ZMAT2: variants seen among roughly 807,000 people sequenced by gnomAD.
The protein encoded by ZMAT2 is zinc finger matrin-type protein 2.
Under a neutral mutation model 27.5 loss-of-function variants are expected in ZMAT2, and 5 were observed. That is an observed-to-expected ratio of 0.18 (90% CI 0.10 to 0.38). ZMAT2 has a LOEUF of 0.38. Among genes scored for constraint, ZMAT2 ranks in the 10% least tolerant of loss-of-function variants. The probability of loss-of-function intolerance (pLI) is 1.00; values close to 1 mark genes in which losing one functional copy is unlikely to be tolerated. For missense variants in ZMAT2, 124 were observed against 243.9 expected (o/e 0.51, Z 3.27); for synonymous variants, 76 against 78.6 (o/e 0.97, Z 0.17).
intron 3 of ZMAT2, 42 bp downstream of exon 3, chr5:140,702,171 C>T: frequency 6.2e-7 from 1 of 1,603,056 alleles, no homozygotes; most frequent in Non-Finnish European, 8.5e-7. Flanking sequence ...AAGAATGCAT[C>T]TAATAAGCCA....
At chr5:140,704,012 G>T in intron 4 of ZMAT2, 21 bp downstream of exon 4, 1 of 1,612,156 alleles carries the variant, frequency 6.2e-7, no homozygotes, top group Non-Finnish European at 8.5e-7. Context: ...GAGGTAGCTT[G>T]TGACTAGGGC....
intron 3 of ZMAT2, among the ~76,000 whole-genome samples, chr5:140,703,480 C>T (rs186955873): frequency 2.0e-5 from 3 of 152,104 alleles, no homozygotes; most frequent in East Asian, 1.9e-4. Context: ...GTGATCCGCC[C>T]GCCTCGGCCT....
At chr5:140,700,998 T>C in intron 2 of ZMAT2, 86 bp downstream of exon 2, 1 of 1,331,756 alleles carries the variant, frequency 7.5e-7, no homozygotes, top group Non-Finnish European at 1.1e-6. Context: ...TGCGCTGCCT[T>C]CCCACGCGGT....
At chr5:140,703,071 C>A (rs1378340595) in intron 3 of ZMAT2, among the ~76,000 whole-genome samples, 1 of 152,150 alleles carries the variant, frequency 6.6e-6, no homozygotes, top group Non-Finnish European at 1.5e-5. Context: ...GGTTCTGGCT[C>A]AGGGTCTTCA....
At chr5:140,700,732 A>G in intron 1 of ZMAT2, 87 bp from the exon 2 acceptor site, 1 of 1,461,914 alleles carries the variant, frequency 6.8e-7, no homozygotes. Context: ...AACGTCCTGT[A>G]GACACCTGGA....
intron 4 of ZMAT2, 33 bp downstream of exon 4, chr5:140,704,024 G>A: frequency 6.2e-7 from 1 of 1,604,698 alleles, no homozygotes; most frequent in Non-Finnish European, 8.5e-7. Flanking sequence ...GACTAGGGCT[G>A]GAATTGGGTT....
At chr5:140,705,253 G>A (rs1432120955) in intron 5 of ZMAT2, among the ~76,000 whole-genome samples, 2 of 151,902 alleles carry the variant, frequency 1.3e-5, no homozygotes, top group Non-Finnish European at 2.9e-5. Context: ...ACAAAATTGA[G>A]AGGGAGTTAT....
At chr5:140,704,852 A>G (rs1760030067) in intron 5 of ZMAT2, among the ~76,000 whole-genome samples, 1 of 150,114 alleles carries the variant, frequency 6.7e-6, no homozygotes, top group South Asian at 2.1e-4. Context: ...ATATTTCTCA[A>G]CTTCTGATGG....
chr5:140,702,365 G>A (rs1473356315), intron 3 of ZMAT2, among the ~76,000 whole-genome samples: 6 of 152,282 alleles, frequency 3.9e-5, no homozygotes, highest in Non-Finnish European at 7.3e-5. Flanking sequence ...GCTGGGCACA[G>A]TGGCTCACGC....
Position 140,701,805 on chromosome 5 carries a change from A to G in ZMAT2, c.113-201A>G, listed in dbSNP as rs57517305. 4.2e-3 allele frequency among the ~76,000 whole-genome samples: 641 copies of G among 152,332 alleles called. 9 individuals carry two copies. The highest frequency in any genetic ancestry group is 0.015 in the African/African-American group (609 of 41,572). ...TAGATTTGCTGGCTTTAAAGTGGAG[A>G]AAAGCTGTAGAGTTGAGGATTGCTT... On this transcript the variant is annotated intron_variant, in intron 2 of 5. Transcript: ENST00000274712.
At chr5:140,703,141 G>A (rs1759994608) in intron 3 of ZMAT2, among the ~76,000 whole-genome samples, 1 of 152,110 alleles carries the variant, frequency 6.6e-6, no homozygotes, top group Admixed American at 6.6e-5. Context: ...CTTAAGTGGG[G>A]CTGGAAGATC....
intron 5 of ZMAT2, among the ~76,000 whole-genome samples, chr5:140,704,981 C>T (rs1760032219): frequency 6.6e-6 from 1 of 152,036 alleles, no homozygotes; most frequent in African/African-American, 2.4e-5. Flanking sequence ...ACACATTAGC[C>T]TACAATTGAC....
At chr5:140,704,014 G>A in intron 4 of ZMAT2, 23 bp downstream of exon 4, 2 of 1,611,274 alleles carry the variant, frequency 1.2e-6, no homozygotes, top group Middle Eastern at 1.7e-4. Context: ...GGTAGCTTGT[G>A]ACTAGGGCTG....
rs902147691 is a variant in ZMAT2, at chr5:140,704,502, C to A, written c.387C>A (p.Asn129Lys). The change falls in exon 5 of 6, where the codon AAC (asparagine) becomes AAA (lysine). Residue 129 changes from asparagine (N) to lysine (K), a missense_variant. Coordinates refer to ENST00000274712, the MANE Select transcript of ZMAT2 (RefSeq NM_144723.3). ...LDQVKKRFEVNKKKMEEKQKD... is the reference protein window; with the variant it reads ...LDQVKKRFEVKKKKMEEKQKD... ...AGGTGAAGAAACGTTTTGAGGTCAACAAGAAGAAGATGGAAGAGAAGCAGA... is the reference window on the plus strand; with the variant it reads ...AGGTGAAGAAACGTTTTGAGGTCAAAAAGAAGAAGATGGAAGAGAAGCAGA... 5.0e-6 allele frequency: 8 copies of A among 1,613,824 alleles called. No homozygotes were observed. Among genetic ancestry groups the A allele is most frequent in the East Asian group, 2.2e-5 (1 of 44,876 alleles).
intron 3 of ZMAT2, 110 bp from the exon 4 acceptor site, chr5:140,703,808 A>T: frequency 1.0e-6 from 1 of 976,872 alleles, no homozygotes; most frequent in Non-Finnish European, 1.6e-6. Flanking sequence ...TATAGAAATG[A>T]AGGCTTAACA....
chr5:140,700,492 CTG>C lies in ZMAT2; in HGVS notation c.18+15_18+16del. ...TCGGGCAGCGGGGTAGGTGTTGTGT[CTG>C]AGGAGGAGGTTTTGCGGGGTGGGGA... On this transcript the variant is annotated intron_variant, in intron 1 of 5. Transcript: ENST00000274712. 1 of 1,612,900 alleles carries C rather than the reference CTG, an allele frequency of 6.2e-7. No homozygotes were observed. The highest frequency in any genetic ancestry group is 8.5e-7 in the Non-Finnish European group (1 of 1,179,866).
At chr5:140,700,633 A>C (rs907988603) in intron 1 of ZMAT2, among the ~76,000 whole-genome samples, 155 bp downstream of exon 1, 2 of 152,150 alleles carry the variant, frequency 1.3e-5, no homozygotes, top group African/African-American at 2.4e-5. Context: ...GCCTTGGCAG[A>C]GGGTCAGTAG....
chr5:140,703,175 C>T (rs1759995367), intron 3 of ZMAT2, among the ~76,000 whole-genome samples: 1 of 151,830 alleles, frequency 6.6e-6, no homozygotes, highest in South Asian at 2.1e-4. Context: ...TCTCACATGC[C>T]TGTGGTTTGG....
In ZMAT2 at chr5:140,700,905, G is replaced by T; in HGVS notation, c.105G>T (p.Lys35Asn). Residue 35 changes from lysine to asparagine, a missense_variant, in exon 2 of 6, where the codon AAG (lysine) becomes AAT (asparagine). Physicochemically the swap from Lys to Asn is moderately conservative, Grantham distance 94 (BLOSUM62 0). Coordinates refer to ENST00000274712, the MANE Select transcript of ZMAT2 (RefSeq NM_144723.3). ...AGAGGCTCACGGAAGAGAGAGAAAA[G>T]AAAGATGGTGGGTGCTAACTACATC... ...AEKRLTEERE[K>N]KDGKPVQPVK... The T allele has an allele frequency of 6.2e-7, 1 of 1,614,124 alleles. No homozygotes were observed. Among genetic ancestry groups the T allele is most frequent in the East Asian group, 2.2e-5 (1 of 44,876 alleles).
Sources: allele counts gnomAD v4.1 joint callset (sites outside exome capture counted in the v4.1 genomes callset), GRCh38; gene constraint gnomAD v4.1.1; transcripts MANE v1.5; gene names NCBI Gene and HGNC (gene_info 2026-07-23, HGNC 2026-07-21).